MAPKAPK5: variants seen among roughly 807,000 people sequenced by gnomAD.
The protein encoded by MAPKAPK5 is MAPK activated protein kinase 5.
MAPKAPK5 carries 30 observed loss-of-function variants against 65.1 expected under a neutral mutation model. That is an observed-to-expected ratio of 0.46 (90% CI 0.34 to 0.63). The LOEUF is 0.63. Among genes scored for constraint, MAPKAPK5 ranks in the 20% least tolerant of loss-of-function variants. MAPKAPK5 has a pLI of 0.01. For missense variants in MAPKAPK5, 433 were observed against 581.4 expected (o/e 0.74, Z 2.63); for synonymous variants, 179 against 204.6 (o/e 0.87, Z 1.07).
chr12:111,843,189 C>T (rs1284124038), intron 1 of MAPKAPK5: 2 of 398,550 alleles, frequency 5.0e-6, no homozygotes, highest in Non-Finnish European at 8.8e-6. Flanking sequence ...AATCAGCCTT[C>T]TGGAAATCTG....
chr12:111,866,360 T>C, intron 3 of MAPKAPK5, 129 bp downstream of exon 3: 1 of 707,112 alleles, frequency 1.4e-6, no homozygotes, highest in Admixed American at 3.0e-5. Flanking sequence ...TTTACCTCTC[T>C]TCCCCATTCA....
rs1035120559 is a variant in MAPKAPK5 at position 111,896,068 on chromosome 12, A to G, written c.*3007A>G. On this transcript the variant is annotated 3_prime_UTR_variant, in exon 14 of 14. Coordinates refer to ENST00000550735, the MANE Select transcript of MAPKAPK5 (RefSeq NM_003668.4). ...CAGAGGTTCAGTATTCCATGGGGAG[A>G]AAAAAACAGTAATTATCTTTGTTAC... 3 of 152,098 alleles carry G rather than the reference A, an allele frequency of 2.0e-5. No individual in the cohort carries two copies. Among genetic ancestry groups the G allele is most frequent in the African/African-American group, 7.2e-5 (3 of 41,396 alleles). The allele number at this position is 152,098 out of a possible 1,614,324, so 9.4% of individuals were successfully genotyped here. A position where few individuals can be genotyped will look rare whatever the true frequency, so the allele number is the denominator to read the frequency against.
rs1054123488 is a variant in MAPKAPK5 at position 111,899,427 on chromosome 12, T to C, written c.*6366T>C. On this transcript the variant is annotated 3_prime_UTR_variant, in exon 14 of 14. Coordinates refer to ENST00000550735, the MANE Select transcript of MAPKAPK5 (RefSeq NM_003668.4). ...ACCTTCATGTATCAGGTTAGAGATTTTGATGCTTTTGGTGATTTTTGTGCC... is the reference window on the plus strand; with the variant it reads ...ACCTTCATGTATCAGGTTAGAGATTCTGATGCTTTTGGTGATTTTTGTGCC... 3.2e-5 allele frequency: 5 copies of C among 157,800 alleles called. No homozygotes were observed. The highest frequency in any genetic ancestry group is 1.2e-4 in the African/African-American group (5 of 41,490). 9.8% of individuals were successfully genotyped at this position (157,800 alleles called of 1,614,324 possible). A position where few individuals can be genotyped will look rare whatever the true frequency, so the allele number is the denominator to read the frequency against.
intron 5 of MAPKAPK5, 53 bp from the exon 6 acceptor site, chr12:111,870,218 A>G (rs781609248): frequency 4.5e-6 from 6 of 1,332,628 alleles, no homozygotes; most frequent in Non-Finnish European, 6.4e-6. Context: ...CGCCAGGTGT[A>G]TTAAAGAGTG....
At chr12:111,860,098 T>C (rs1210485056) in intron 1 of MAPKAPK5, among the ~76,000 whole-genome samples, 1 of 152,230 alleles carries the variant, frequency 6.6e-6, no homozygotes, top group Admixed American at 6.5e-5. Context: ...TTTCATTTTT[T>C]CTTCCCAGCC....
chr12:111,861,489 G>A (rs1339198789), intron 1 of MAPKAPK5, among the ~76,000 whole-genome samples: 7 of 151,740 alleles, frequency 4.6e-5, no homozygotes, highest in Admixed American at 1.3e-4. Context: ...CACCACACCC[G>A]GCTAATTTTT....
Position 111,883,495 on chromosome 12 carries a change from C to A in MAPKAPK5, c.661-86C>A. ...CTAGTTTATATCAGCCTATATATTG[C>A]AGGGGCTATTCCTGAGCCTGTCATG... On this transcript the variant is annotated intron_variant, in intron 8 of 13. Transcript: ENST00000550735. The surrounding 1 kb of genome is among the most constrained non-coding windows in gnomAD (Gnocchi z 4.8). The A allele has an allele frequency of 8.8e-7, 1 of 1,130,134 alleles. No homozygotes were observed. The highest frequency in any genetic ancestry group is 1.3e-6 in the Non-Finnish European group (1 of 775,178). The allele number at this position is 1,130,134 out of a possible 1,614,324, so 70.0% of individuals were successfully genotyped here.
intron 1 of MAPKAPK5, among the ~76,000 whole-genome samples, chr12:111,850,034 CT>C (rs57219959): frequency 6.1e-5 from 9 of 148,664 alleles, no homozygotes; most frequent in Non-Finnish European, 7.5e-5. Context: ...GTGAAATATC[CT>C]TTTTTTTTTC....
intron 7 of MAPKAPK5, among the ~76,000 whole-genome samples, chr12:111,877,498 A>G (rs1288022321): frequency 6.6e-6 from 1 of 152,054 alleles, no homozygotes; most frequent in Non-Finnish European, 1.5e-5. Flanking sequence ...TTTAATTTGC[A>G]TTCCCTAATG....
At chr12:111,876,205 CAA>C (rs751802746) in intron 7 of MAPKAPK5, among the ~76,000 whole-genome samples, 508 of 43,524 alleles carry the variant, frequency 0.012, 2 homozygotes, top group African/African-American at 0.035. Flanking sequence ...GACTCCATCT[CAA>C]AAAAAAAAAA....
Position 111,901,245 on chromosome 12 carries a change from T to A in MAPKAPK5, c.*8184T>A. ...CTGCACAGATAAAACCCCAGTGATT[T>A]CTGCCTGCAACCCAGAAAAAACGTG... On this transcript the variant is annotated 3_prime_UTR_variant, in exon 14 of 14. Coordinates refer to ENST00000550735, the MANE Select transcript of MAPKAPK5 (RefSeq NM_003668.4). 2.2e-6 allele frequency: 1 copy of A among 456,044 alleles called. No individual in the cohort carries two copies. The highest frequency in any genetic ancestry group is 4.4e-6 in the Non-Finnish European group (1 of 226,786). 28.2% of individuals were successfully genotyped at this position (456,044 alleles called of 1,614,324 possible). A position where few individuals can be genotyped will look rare whatever the true frequency, so the allele number is the denominator to read the frequency against.
At position 111,851,679 on chromosome 12, in the gene MAPKAPK5, A is replaced by G. The variant is rs114461158; in HGVS notation, c.36+8910A>G. Reference sequence around the variant, plus strand: ...TACTCTGGAAAAGATTGTTAACACCAAGGAAGAGAATCCTGATAGAATGTA... The same window carrying G: ...TACTCTGGAAAAGATTGTTAACACCGAGGAAGAGAATCCTGATAGAATGTA... On this transcript the variant is annotated intron_variant, in intron 1 of 13. Coordinates refer to ENST00000550735, the MANE Select transcript of MAPKAPK5 (RefSeq NM_003668.4). Among the ~76,000 whole-genome samples, 753 of 152,340 alleles carry G rather than the reference A, an allele frequency of 4.9e-3. 10 individuals are homozygous for G. Among genetic ancestry groups the G allele is most frequent in the African/African-American group, 0.017 (716 of 41,576 alleles).
At chr12:111,862,868 C>T (rs552600635) in intron 1 of MAPKAPK5, among the ~76,000 whole-genome samples, 76 of 152,262 alleles carry the variant, frequency 5.0e-4, no homozygotes, top group Admixed American at 3.9e-4. Flanking sequence ...GTTTTTACCA[C>T]GATGCTTAAA....
chr12:111,878,179 C>CT (rs950407970), intron 7 of MAPKAPK5, among the ~76,000 whole-genome samples: 1 of 151,926 alleles, frequency 6.6e-6, no homozygotes, highest in African/African-American at 2.4e-5. Context: ...TATCAGAAAA[C>CT]TTTTTTAAGG....
chr12:111,865,426 G>A, intron 2 of MAPKAPK5, 103 bp downstream of exon 2: 1 of 779,892 alleles, frequency 1.3e-6, no homozygotes, highest in Non-Finnish European at 2.2e-6. Context: ...AGGTGTGCCA[G>A]ATTTGAGGAA....
At chr12:111,892,914 C>A in intron 13 of MAPKAPK5, 53 bp from the exon 14 acceptor site, 1 of 1,337,510 alleles carries the variant, frequency 7.5e-7, no homozygotes, top group Non-Finnish European at 1.0e-6. Context: ...TGTCAAGAGT[C>A]TGCCACCTCT....
intron 7 of MAPKAPK5, among the ~76,000 whole-genome samples, chr12:111,874,617 C>A (rs1423040415): frequency 1.3e-5 from 2 of 149,906 alleles, no homozygotes; most frequent in Admixed American, 6.7e-5. Flanking sequence ...CGCCCGCCAC[C>A]ACACCTGGCT....
rs1028290170 is a variant in MAPKAPK5, at chr12:111,900,366, C to T, written c.*7305C>T. ...GTTTGCAGCCCTGATGGCCCATGAG[C>T]TCGGGCACAACCTGGGTATTCAGCA... On this transcript the variant is annotated 3_prime_UTR_variant, in exon 14 of 14. Coordinates refer to ENST00000550735, the MANE Select transcript of MAPKAPK5 (RefSeq NM_003668.4). 4.4e-6 allele frequency: 2 copies of T among 456,092 alleles called. No individual in the cohort carries two copies. The highest frequency in any genetic ancestry group is 8.8e-6 in the Non-Finnish European group (2 of 226,802). 28.3% of individuals were successfully genotyped at this position (456,092 alleles called of 1,614,324 possible). A position where few individuals can be genotyped will look rare whatever the true frequency, so the allele number is the denominator to read the frequency against.
At chr12:111,886,143 C>A in intron 10 of MAPKAPK5, 107 bp downstream of exon 10, 2 of 1,466,604 alleles carry the variant, frequency 1.4e-6, no homozygotes, top group South Asian at 2.5e-5. Context: ...AGTACACGAT[C>A]CTTCCCAGAG....
Sources: gnomAD v4.1 joint callset for allele counts (sites outside exome capture counted in the v4.1 genomes callset) on GRCh38, gnomAD v4.1.1 for gene constraint, Gnocchi (gnomAD v3.1) non-coding constraint, MANE v1.5 for transcripts, NCBI Gene and HGNC (gene_info 2026-07-23, HGNC 2026-07-21) for gene names.